The following CEP43 variants were observed in gnomAD, a reference collection of about 807,000 sequenced individuals.
The protein encoded by CEP43 is centrosomal protein 43.
In CEP43, 36 loss-of-function variants were observed where a neutral mutation model predicts 52.6. The observed-to-expected ratio is 0.68, with a 90% CI of 0.52 to 0.90. CEP43 has a LOEUF of 0.90. CEP43 is among the 40% of genes least tolerant of loss of function. The pLI is 0.00. For synonymous variants in CEP43, 192 were observed against 172.4 expected, an observed-to-expected ratio of 1.11 and a Z score of -0.89; for missense variants, 506 against 472.8, an observed-to-expected ratio of 1.07 and a Z score of -0.65.
In CEP43 at chr6:167,045,280, T is replaced by C. The variant is rs894999487; in HGVS notation, c.*5302T>C. Reference sequence around the variant, plus strand: ...CATGCCCGGCGAATTTTTTTTGTATTTTTAGTAGACACGGGATCTCACCGT... The same window carrying C: ...CATGCCCGGCGAATTTTTTTTGTATCTTTAGTAGACACGGGATCTCACCGT... On this transcript the variant is annotated 3_prime_UTR_variant, in exon 13 of 13. Coordinates refer to ENST00000366847, the MANE Select transcript of CEP43 (RefSeq NM_007045.4). 16 of 151,658 alleles carry C rather than the reference T, an allele frequency of 1.1e-4. No homozygotes were observed. Among genetic ancestry groups the C allele is most frequent in the African/African-American group, 3.9e-4 (16 of 41,348 alleles). 9.4% of individuals were successfully genotyped at this position (151,658 alleles called of 1,614,324 possible). A position where few individuals can be genotyped will look rare whatever the true frequency, so the allele number is the denominator to read the frequency against.
intron 8 of CEP43, among the ~76,000 whole-genome samples, 162 bp from the exon 9 acceptor site, chr6:167,024,620 C>T (rs1452385711): frequency 2.0e-5 from 3 of 152,194 alleles, no homozygotes; most frequent in Non-Finnish European, 4.4e-5. Context: ...TTTGCACTCC[C>T]TTGGTGTACT....
At chr6:167,022,167 C>T (rs1326514699) in intron 7 of CEP43, among the ~76,000 whole-genome samples, 2 of 151,562 alleles carry the variant, frequency 1.3e-5, no homozygotes, top group Non-Finnish European at 2.9e-5. Flanking sequence ...TAATATTTTT[C>T]CCCCTTTGAA....
At position 167,010,854 on chromosome 6, in the gene CEP43, AC is replaced by A; in HGVS notation, c.482del (p.Pro161GlnfsTer70). On this transcript the variant is annotated frameshift_variant, in exon 6 of 13. Coordinates refer to ENST00000366847, the MANE Select transcript of CEP43 (RefSeq NM_007045.4). LOFTEE classifies it high-confidence loss of function. The part of the protein sequence containing the change: ...LSDVHSPPKS[P>X]EGKTSAQTTP... ...CTGATGTACATTCTCCACCAAAGTC[AC>A]CAGAGGGAAAAACAAGTGCACAGAC... 1 of 1,599,506 alleles carries A rather than the reference AC, an allele frequency of 6.3e-7. No individual in the cohort carries two copies. Among genetic ancestry groups the A allele is most frequent in the South Asian group, 1.1e-5 (1 of 88,420 alleles).
In CEP43 at chr6:167,005,033, C is replaced by T. The variant is rs539918597; in HGVS notation, c.438+632C>T. 5.9e-5 allele frequency among the ~76,000 whole-genome samples: 9 copies of T among 152,188 alleles called. No homozygotes were observed. In the East Asian group the frequency reaches 1.7e-3, roughly 29 times the overall value. On this transcript the variant is annotated intron_variant, in intron 5 of 12. Transcript: ENST00000366847. ...ATTTTATTTTCATACATTAATTTTACATGAAGATACTCTGTTTTATAGATA... is the reference window on the plus strand; with the variant it reads ...ATTTTATTTTCATACATTAATTTTATATGAAGATACTCTGTTTTATAGATA...
rs895227313 is a variant in CEP43, at chr6:167,004,091, T to C, written c.301-173T>C. On this transcript the variant is annotated intron_variant, in intron 4 of 12. Coordinates refer to ENST00000366847, the MANE Select transcript of CEP43 (RefSeq NM_007045.4). The stretch of plus-strand genomic sequence containing the variant: ...CACCTGTTAATGGAAACGTTGAAGG[T>C]AGAGGCTCTGTAAAAGAAATAGGCA... The C allele has an allele frequency of 1.2e-5, 8 of 681,806 alleles. No homozygotes were observed. The African/African-American group carries it at 1.4e-4, about 12-fold the overall frequency. 42.2% of individuals were successfully genotyped at this position (681,806 alleles called of 1,614,324 possible). A position where few individuals can be genotyped will look rare whatever the true frequency, so the allele number is the denominator to read the frequency against.
chr6:167,045,917 C>G lies in CEP43; in HGVS notation c.*5939C>G. On this transcript the variant is annotated 3_prime_UTR_variant, in exon 13 of 13. Coordinates refer to ENST00000366847, the MANE Select transcript of CEP43 (RefSeq NM_007045.4). ...TTCATCCTGCACATCCCCTCCTGCCCCAGCACCCCTACTGCCCATGCGCCT... is the reference window on the plus strand; with the variant it reads ...TTCATCCTGCACATCCCCTCCTGCCGCAGCACCCCTACTGCCCATGCGCCT... The G allele has an allele frequency of 6.6e-6, 1 of 152,088 alleles. No individual in the cohort carries two copies. The highest frequency in any genetic ancestry group is 1.5e-5 in the Non-Finnish European group (1 of 68,086). 9.4% of individuals were successfully genotyped at this position (152,088 alleles called of 1,614,324 possible). A position where few individuals can be genotyped will look rare whatever the true frequency, so the allele number is the denominator to read the frequency against.
At chr6:167,016,979 A>T (rs202130958) in intron 7 of CEP43, among the ~76,000 whole-genome samples, 2,084 of 148,640 alleles carry the variant, frequency 0.014, 35 homozygotes, top group East Asian at 0.082. Flanking sequence ...AATTTTATTT[A>T]TTATTTATTT....
At chr6:167,002,156 C>T (rs552010384) in intron 2 of CEP43, among the ~76,000 whole-genome samples, 1 of 152,196 alleles carries the variant, frequency 6.6e-6, no homozygotes, top group Non-Finnish European at 1.5e-5. Flanking sequence ...ATCCTTCAAA[C>T]TTTTGACCTT....
intron 7 of CEP43, among the ~76,000 whole-genome samples, chr6:167,014,742 A>T (rs1780056774): frequency 6.6e-6 from 1 of 152,214 alleles, no homozygotes; most frequent in Admixed American, 6.5e-5. Context: ...TAAAATAATG[A>T]TTTAGTAAGT....
chr6:167,008,634 A>AT (rs1375946561), intron 5 of CEP43, among the ~76,000 whole-genome samples: 2 of 151,664 alleles, frequency 1.3e-5, no homozygotes, highest in Non-Finnish European at 2.9e-5. Context: ...CACCCGGCTA[A>AT]TTTTTTTTAT....
At chr6:167,013,259 A>G (rs1414370161) in intron 6 of CEP43, among the ~76,000 whole-genome samples, 6 of 152,230 alleles carry the variant, frequency 3.9e-5, no homozygotes, top group African/African-American at 1.2e-4. Flanking sequence ...TCCACCCAGT[A>G]GAAGCTGAGC....
chr6:167,003,860 T>C, intron 4 of CEP43, 49 bp downstream of exon 4: 1 of 1,105,314 alleles, frequency 9.0e-7, no homozygotes, highest in Non-Finnish European at 1.4e-6. Context: ...TTGATACAAA[T>C]GAGTTAATAT....
At position 167,015,136 on chromosome 6, in the gene CEP43, T is replaced by G. The variant is rs116584277; in HGVS notation, c.579+1569T>G. On this transcript the variant is annotated intron_variant, in intron 7 of 12. Coordinates refer to ENST00000366847, the MANE Select transcript of CEP43 (RefSeq NM_007045.4). ...GGCAGAGTGTAGTGTGTGCCCTGAC[T>G]TGAGAGGGGATTGAAGAATCTAGGT... Among the ~76,000 whole-genome samples, 420 of 152,324 alleles carry G rather than the reference T, an allele frequency of 2.8e-3. 3 individuals are homozygous for G. Among genetic ancestry groups the G allele is most frequent in the African/African-American group, 9.7e-3 (404 of 41,580 alleles).
chr6:167,040,197 T>C lies in CEP43; in HGVS notation c.*219T>C, dbSNP rs778554297. 5 of 1,527,154 alleles carry C rather than the reference T, an allele frequency of 3.3e-6. No individual in the cohort carries two copies. The highest frequency in any genetic ancestry group is 3.5e-6 in the Non-Finnish European group (4 of 1,144,104). The allele number at this position is 1,527,154 out of a possible 1,614,324, so 94.6% of individuals were successfully genotyped here. On this transcript the variant is annotated 3_prime_UTR_variant, in exon 13 of 13. Coordinates refer to ENST00000366847, the MANE Select transcript of CEP43 (RefSeq NM_007045.4). ...GAAGATTTAATATTCTTAATTTAAC[T>C]GTACATTTCTTTATGGAAATTGATT...
chr6:167,028,246 C>G (rs1332424209), intron 10 of CEP43: 46 of 985,272 alleles, frequency 4.7e-5, no homozygotes, highest in Non-Finnish European at 5.4e-5. Context: ...CGAGGGTTTT[C>G]CCTCCTGTTT....
In CEP43 at chr6:167,029,510, C is replaced by T. The variant is rs552041823; in HGVS notation, c.988+2895C>T. On this transcript the variant is annotated intron_variant, in intron 10 of 12. Transcript: ENST00000366847. Reference sequence around the variant, plus strand: ...AGTTTCTCTGAGCATTACGTCCCCACTCAGAAAGTTCTGGATTTTATTCAA... The same window carrying T: ...AGTTTCTCTGAGCATTACGTCCCCATTCAGAAAGTTCTGGATTTTATTCAA... 5.3e-5 allele frequency among the ~76,000 whole-genome samples: 8 copies of T among 152,362 alleles called. No homozygotes were observed. In the South Asian group the frequency reaches 1.7e-3, roughly 32 times the overall value.
Position 167,041,456 on chromosome 6 carries a change from C to G in CEP43, c.*1478C>G, listed in dbSNP as rs1424748870. On this transcript the variant is annotated 3_prime_UTR_variant, in exon 13 of 13. Coordinates refer to ENST00000366847, the MANE Select transcript of CEP43 (RefSeq NM_007045.4). Reference sequence around the variant, plus strand: ...CTCAGTCTCCTTCAGCTCTTCATGTCTTAGTAAACAGCACCACGTGCAGAT... The same window carrying G: ...CTCAGTCTCCTTCAGCTCTTCATGTGTTAGTAAACAGCACCACGTGCAGAT... 1 of 1,059,860 alleles carries G rather than the reference C, an allele frequency of 9.4e-7. No homozygotes were observed. The highest frequency in any genetic ancestry group is 1.6e-5 in the African/African-American group (1 of 60,728). The allele number at this position is 1,059,860 out of a possible 1,614,324, so 65.7% of individuals were successfully genotyped here. A position where few individuals can be genotyped will look rare whatever the true frequency, so the allele number is the denominator to read the frequency against.
chr6:167,005,692 C>A (rs162283), intron 5 of CEP43, among the ~76,000 whole-genome samples: 1 of 152,074 alleles, frequency 6.6e-6, no homozygotes, highest in South Asian at 2.1e-4. Context: ...TTTTATTGTG[C>A]GCTTATTTGA....
At chr6:167,011,037 C>A (rs2128659929) in intron 6 of CEP43, 144 bp downstream of exon 6, 1 of 431,516 alleles carries the variant, frequency 2.3e-6, no homozygotes, top group Non-Finnish European at 4.1e-6. Context: ...TGCTTTTTTT[C>A]CATTAAGTAT....
Sources: gnomAD v4.1 joint callset for allele counts (sites outside exome capture counted in the v4.1 genomes callset) on GRCh38, gnomAD v4.1.1 for gene constraint, MANE v1.5 for transcripts, NCBI Gene and HGNC (gene_info 2026-07-23, HGNC 2026-07-21) for gene names.